The following LPA variants were observed in gnomAD, a reference collection of about 807,000 sequenced individuals.
The protein encoded by LPA is lipoprotein(a), also known as apolipoprotein(a).
In LPA, 199 loss-of-function variants were observed where a neutral mutation model predicts 197.9. The observed-to-expected ratio is 1.01, with a 90% confidence interval of 0.90 to 1.13. LPA has a LOEUF of 1.13. Among genes scored for constraint, LPA ranks in the 50% most tolerant of loss-of-function variants. The pLI is 0.00. For missense variants in LPA, 1,853 were observed against 1,785.8 expected, an observed-to-expected ratio of 1.04 and a Z score of -0.68; for synonymous variants, 715 against 639.5, an observed-to-expected ratio of 1.12 and a Z score of -1.78.
intron 28 of LPA, among the ~76,000 whole-genome samples, chr6:160,575,875 C>G (rs530042519): frequency 6.6e-6 from 1 of 152,262 alleles, no homozygotes; most frequent in Admixed American, 6.5e-5. Context: ...GACTGTAGCT[C>G]TTTATCTCCA....
rs566376028 is a variant in LPA at position 160,659,625 on chromosome 6, G to C, written c.49+4541C>G. 2.6e-5 allele frequency among the ~76,000 whole-genome samples: 4 copies of C among 152,324 alleles called. No individual in the cohort carries two copies. The East Asian group carries it at 7.7e-4, about 29-fold the overall frequency. On this transcript the variant is annotated intron_variant, in intron 1 of 38. Coordinates refer to ENST00000316300, the MANE Select transcript of LPA (RefSeq NM_005577.4). ...GCCCAAGGGCATTAACGGTGGTACT[G>C]CTGCAGCTGAAATGGCAGAGGGGCT...
intron 2 of LPA, among the ~76,000 whole-genome samples, chr6:160,647,183 C>G (rs1255442516): frequency 6.6e-6 from 1 of 152,156 alleles, no homozygotes; most frequent in Admixed American, 6.5e-5. Context: ...GTTGAAAGAA[C>G]AGTGGGTCCC....
intron 29 of LPA, among the ~76,000 whole-genome samples, chr6:160,556,393 T>A (rs967639906): frequency 6.6e-6 from 1 of 152,064 alleles, no homozygotes; most frequent in Admixed American, 6.6e-5. Context: ...CAAAACCTGG[T>A]GGGAAAAGGA....
At chr6:160,588,711 G>T (rs544224837) in intron 24 of LPA, among the ~76,000 whole-genome samples, 4 of 152,048 alleles carry the variant, frequency 2.6e-5, no homozygotes, top group South Asian at 4.1e-4. Context: ...CTGAGGCATC[G>T]CAGACTCCAG....
chr6:160,590,942 A>T lies in LPA; in HGVS notation c.3787+2T>A, dbSNP rs778727661. The T allele has an allele frequency of 6.2e-7, 1 of 1,613,918 alleles. No homozygotes were observed. Among genetic ancestry groups the T allele is most frequent in the Non-Finnish European group, 8.5e-7 (1 of 1,179,864 alleles). On this transcript the variant is annotated splice_donor_variant, in intron 23 of 38. Transcript: ENST00000316300. LOFTEE classifies it high-confidence loss of function. ...GTGGTTGTCTGGCCAGAGACTTCTTACCTTGTTCAGAAACAGCCGTGGACG... is the reference window on the plus strand; with the variant it reads ...GTGGTTGTCTGGCCAGAGACTTCTTTCCTTGTTCAGAAACAGCCGTGGACG...
At chr6:160,610,857 T>G (rs1779487864) in intron 16 of LPA, among the ~76,000 whole-genome samples, 1 of 152,174 alleles carries the variant, frequency 6.6e-6, no homozygotes, top group Non-Finnish European at 1.5e-5. Flanking sequence ...CTCTAGGTCC[T>G]CTACCATCTG....
chr6:160,609,391 A>G (rs1779431644), intron 16 of LPA, among the ~76,000 whole-genome samples: 1 of 152,100 alleles, frequency 6.6e-6, no homozygotes. Context: ...AGGTGAACGC[A>G]TTAGCAATTT....
chr6:160,593,819 A>G, intron 22 of LPA, 139 bp downstream of exon 22: 1 of 1,078,452 alleles, frequency 9.3e-7, no homozygotes, highest in South Asian at 1.3e-5. Flanking sequence ...CTGTGCCTGA[A>G]GAAAGAAGCC....
intron 2 of LPA, among the ~76,000 whole-genome samples, chr6:160,646,932 A>T (rs563511920): frequency 1.1e-4 from 16 of 151,950 alleles, no homozygotes; most frequent in African/African-American, 3.9e-4. Flanking sequence ...TGTACTCAAA[A>T]CCTAGTGAAA....
At chr6:160,585,319 A>G in intron 25 of LPA, 114 bp from the exon 26 acceptor site, 3 of 954,608 alleles carry the variant, frequency 3.1e-6, no homozygotes, top group Non-Finnish European at 5.1e-6. Flanking sequence ...ACTCTTCTAT[A>G]TTAGCATGCA....
intron 30 of LPA, 104 bp from the exon 31 acceptor site, chr6:160,548,763 G>T (rs1300011467): frequency 8.5e-7 from 1 of 1,183,124 alleles, no homozygotes; most frequent in Non-Finnish European, 1.3e-6. Flanking sequence ...AAGTGTCTTT[G>T]AAATATTCCC....
intron 32 of LPA, 95 bp downstream of exon 32, chr6:160,547,694 C>T: frequency 6.4e-7 from 1 of 1,557,208 alleles, no homozygotes; most frequent in South Asian, 1.1e-5. Flanking sequence ...TTACGCTTAG[C>T]CTCCTGAAGT....
intron 2 of LPA, among the ~76,000 whole-genome samples, chr6:160,647,249 A>G (rs1292453879): frequency 6.6e-6 from 1 of 152,204 alleles, no homozygotes; most frequent in Non-Finnish European, 1.5e-5. Flanking sequence ...TCGGACAGCT[A>G]TGGAGGAGCA....
intron 16 of LPA, among the ~76,000 whole-genome samples, chr6:160,609,973 A>C (rs1384065216): frequency 1.3e-5 from 2 of 152,074 alleles, no homozygotes; most frequent in Non-Finnish European, 2.9e-5. Context: ...ATAGTTCTTT[A>C]ATTTGATTTG....
chr6:160,584,319 T>TTTC (rs199702752), intron 26 of LPA, among the ~76,000 whole-genome samples: 1 of 144,110 alleles, frequency 6.9e-6, no homozygotes, highest in East Asian at 2.1e-4. Flanking sequence ...CTCTTCTTCT[T>TTTC]TTCTTCTTCT....
intron 1 of LPA, among the ~76,000 whole-genome samples, chr6:160,657,092 T>C (rs1780145468): frequency 6.6e-6 from 1 of 152,230 alleles, no homozygotes; most frequent in Admixed American, 6.5e-5. Context: ...TATTTAAATT[T>C]TGTAGTTGAG....
intron 28 of LPA, among the ~76,000 whole-genome samples, chr6:160,560,379 T>G (rs1013887350): frequency 6.6e-6 from 1 of 152,234 alleles, no homozygotes; most frequent in African/African-American, 2.4e-5. Context: ...TCTTCCACAA[T>G]GGTTGAACTA....
chr6:160,544,794 C>A (rs1206961681), intron 33 of LPA, among the ~76,000 whole-genome samples: 1 of 152,132 alleles, frequency 6.6e-6, no homozygotes, highest in Non-Finnish European at 1.5e-5. Flanking sequence ...ATTTGTTACC[C>A]CAATCATTTA....
At chr6:160,610,606 A>G (rs6919497) in intron 16 of LPA, among the ~76,000 whole-genome samples, 60,732 of 151,980 alleles carry the variant, frequency 0.4, 12,491 homozygotes, top group African/African-American at 0.49. Flanking sequence ...TGTGAGGCCA[A>G]CTACTGGAGG....
Sources: allele counts gnomAD v4.1 joint callset (sites outside exome capture counted in the v4.1 genomes callset), GRCh38; gene constraint gnomAD v4.1.1; transcripts MANE v1.5; gene names NCBI Gene and HGNC (gene_info 2026-07-23, HGNC 2026-07-21).